The following LUZP2 variants were observed in gnomAD, a reference collection of about 807,000 sequenced individuals.
LUZP2 encodes the protein leucine zipper protein 2.
In LUZP2, 52 loss-of-function variants were observed where a neutral mutation model predicts 51.6. The observed-to-expected ratio is 1.01, with a 90% CI of 0.81 to 1.27. LUZP2 has a LOEUF of 1.27. Among genes scored for constraint, LUZP2 ranks in the 50% most tolerant of loss-of-function variants. The probability of loss-of-function intolerance (pLI) is 0.00; values close to 1 mark genes in which losing one functional copy is unlikely to be tolerated. For missense variants in LUZP2, 436 were observed against 395.4 expected (o/e 1.10, Z -0.87); for synonymous variants, 154 against 137.3 (o/e 1.12, Z -0.85).
chr11:24,898,541 T>C (rs1317566060), intron 5 of LUZP2, among the ~76,000 whole-genome samples: 1 of 151,478 alleles, frequency 6.6e-6, no homozygotes, highest in African/African-American at 2.4e-5. Context: ...GAGAATGGCA[T>C]GAACTTGGGA....
chr11:24,878,475 T>C (rs574276737), intron 5 of LUZP2, among the ~76,000 whole-genome samples: 1 of 152,208 alleles, frequency 6.6e-6, no homozygotes, highest in South Asian at 2.1e-4. Flanking sequence ...TAGGATCCTT[T>C]TGTTTTCCTG....
intron 6 of LUZP2, 123 bp downstream of exon 6, chr11:24,906,176 A>T: frequency 1.9e-6 from 1 of 521,218 alleles, no homozygotes; most frequent in Non-Finnish European, 3.3e-6. Context: ...ATTTTTAAAT[A>T]GAAAAATATA....
chr11:24,763,478 C>CAATG (rs2134033599), intron 5 of LUZP2, among the ~76,000 whole-genome samples, 170 bp downstream of exon 5: 1 of 152,030 alleles, frequency 6.6e-6, no homozygotes, highest in South Asian at 2.1e-4. Context: ...GTAGATAATC[C>CAATG]TTACGTTTAT....
chr11:24,893,608 A>G (rs1473805439), intron 5 of LUZP2, among the ~76,000 whole-genome samples: 1 of 152,264 alleles, frequency 6.6e-6, no homozygotes, highest in East Asian at 1.9e-4. Flanking sequence ...CTAGTTTTAA[A>G]TATACACATT....
In LUZP2 at chr11:24,718,394, G is replaced by T. The variant is rs567535181; in HGVS notation, c.63-10775G>T. ...AGCAGTCTTTTGCGCAGATTAATCA[G>T]TGAAGCACAAGTTTAGCTAATCATT... On this transcript the variant is annotated intron_variant, in intron 1 of 11. Transcript: ENST00000336930. Among the ~76,000 whole-genome samples, 229 of 152,334 alleles carry T rather than the reference G, an allele frequency of 1.5e-3. 6 individuals carry two copies. The highest frequency in any genetic ancestry group is 1.2e-3 in the South Asian group (6 of 4,830).
At chr11:24,797,047 T>C (rs182296503) in intron 5 of LUZP2, among the ~76,000 whole-genome samples, 2 of 152,270 alleles carry the variant, frequency 1.3e-5, no homozygotes, top group African/African-American at 4.8e-5. Flanking sequence ...CTTGTGCAAG[T>C]AATTCAAATA....
intron 1 of LUZP2, among the ~76,000 whole-genome samples, chr11:24,716,891 A>G (rs976495244): frequency 2.1e-5 from 3 of 141,584 alleles, no homozygotes; most frequent in East Asian, 4.9e-4. Context: ...GTGAGACTAC[A>G]TCTCAAAAAA....
At chr11:25,041,489 T>C (rs1402619735) in intron 9 of LUZP2, among the ~76,000 whole-genome samples, 2 of 152,202 alleles carry the variant, frequency 1.3e-5, no homozygotes, top group Non-Finnish European at 2.9e-5. Flanking sequence ...TGTTACTTCA[T>C]CTTGGTCAGA....
intron 5 of LUZP2, among the ~76,000 whole-genome samples, chr11:24,885,429 A>G (rs901436): frequency 0.49 from 73,873 of 151,818 alleles, 18,421 homozygotes; most frequent in East Asian, 0.69. Flanking sequence ...GAAAACAAGG[A>G]CTCAAGATGT....
At chr11:24,648,825 T>C (rs1160841659) in intron 1 of LUZP2, among the ~76,000 whole-genome samples, 2 of 152,038 alleles carry the variant, frequency 1.3e-5, no homozygotes, top group Non-Finnish European at 2.9e-5. Context: ...TTTATTAGAT[T>C]GGTGCAAAAG....
intron 1 of LUZP2, among the ~76,000 whole-genome samples, chr11:24,526,042 A>C (rs940997614): frequency 6.6e-6 from 1 of 151,384 alleles, no homozygotes; most frequent in Admixed American, 6.6e-5. Flanking sequence ...AGGTACTTTC[A>C]ATATTTTTTA....
At chr11:25,050,963 A>G (rs1858492137) in intron 10 of LUZP2, among the ~76,000 whole-genome samples, 1 of 152,156 alleles carries the variant, frequency 6.6e-6, no homozygotes, top group Non-Finnish European at 1.5e-5. Context: ...CTTTGGCAAA[A>G]TTGAGCTAAT....
intron 5 of LUZP2, among the ~76,000 whole-genome samples, chr11:24,842,482 T>C (rs1851065170): frequency 6.6e-6 from 1 of 151,906 alleles, no homozygotes; most frequent in Non-Finnish European, 1.5e-5. Context: ...GTACACTATA[T>C]TAATTGCACA....
rs1173955383 is a variant in LUZP2, at chr11:24,519,856, T to A, written c.62+22551T>A. 3.3e-5 allele frequency among the ~76,000 whole-genome samples: 5 copies of A among 152,256 alleles called. No individual in the cohort carries two copies. The East Asian group carries it at 9.6e-4, about 29-fold the overall frequency. ...AATTTGTGATTGCACATAATTTTCA[T>A]AATTTTAGTTCAGACAATCTTTAGA... On this transcript the variant is annotated intron_variant, in intron 1 of 11. Transcript: ENST00000336930.
intron 7 of LUZP2, among the ~76,000 whole-genome samples, chr11:24,943,948 A>G (rs1854832127): frequency 6.6e-6 from 1 of 152,148 alleles, no homozygotes; most frequent in African/African-American, 2.4e-5. Context: ...CTGTGGACAA[A>G]ATATAAGTAA....
Position 24,852,556 on chromosome 11 carries a change from G to A in LUZP2, c.397-53435G>A, listed in dbSNP as rs74455113. 2.8e-3 allele frequency among the ~76,000 whole-genome samples: 422 copies of A among 152,222 alleles called. 1 individual carries two copies. Among genetic ancestry groups the A allele is most frequent in the African/African-American group, 9.7e-3 (403 of 41,536 alleles). ...TGGTCAGTTTTAGAATAAGTGATGT[G>A]GTGCTGAGAAGAATGTATATTCTGT... On this transcript the variant is annotated intron_variant, in intron 5 of 11. Transcript: ENST00000336930.
intron 5 of LUZP2, among the ~76,000 whole-genome samples, chr11:24,818,275 A>C (rs2134151573): frequency 6.6e-6 from 1 of 152,184 alleles, no homozygotes; most frequent in Middle Eastern, 3.4e-3. Context: ...TTCCTCTGTA[A>C]GAAAGTTTAA....
At chr11:24,515,850 C>T (rs1850447694) in intron 1 of LUZP2, among the ~76,000 whole-genome samples, 1 of 152,116 alleles carries the variant, frequency 6.6e-6, no homozygotes, top group Non-Finnish European at 1.5e-5. Context: ...CCAGAGCTCC[C>T]CTAGGGACTG....
At chr11:24,550,871 C>G (rs79933902) in intron 1 of LUZP2, among the ~76,000 whole-genome samples, 3,777 of 152,044 alleles carry the variant, frequency 0.025, 139 homozygotes, top group East Asian at 0.11. Flanking sequence ...CCCAAGAGTT[C>G]AAGGCTGCAG....
Sources: gnomAD v4.1 joint callset for allele counts (sites outside exome capture counted in the v4.1 genomes callset) on GRCh38, gnomAD v4.1.1 for gene constraint, MANE v1.5 for transcripts, NCBI Gene and HGNC (gene_info 2026-07-23, HGNC 2026-07-21) for gene names.